Variants in ARID2 observed in about 807,000 individuals in gnomAD.
ARID2 encodes the protein AT-rich interaction domain 2, also known as AT-rich interactive domain-containing protein 2.
A neutral mutation model predicts 184.6 loss-of-function variants in ARID2; 32 were observed. The observed-to-expected ratio is 0.17, with a 90% CI of 0.13 to 0.23. The LOEUF is 0.23. ARID2 is among the 10% of genes least tolerant of loss of function. The pLI is 1.00. For synonymous variants in ARID2, 836 were observed against 772.6 expected (o/e 1.08, Z -1.36); for missense variants, 1,696 against 2,197.6 (o/e 0.77, Z 4.56).
rs554442455 is a variant in ARID2, at chr12:45,816,888, G to T, written c.419-782G>T. On this transcript the variant is annotated intron_variant, in intron 4 of 20. Transcript: ENST00000334344. ...TTTGTAGTACCTAGTGGTAGGGGAT[G>T]GAATTGAGCATGAGAAACTTTTTGT... Among the ~76,000 whole-genome samples the T allele has an allele frequency of 3.9e-5, 6 of 152,296 alleles. No homozygotes were observed. The East Asian group carries it at 1.2e-3, about 29-fold the overall frequency.
chr12:45,875,540 C>T (rs1943996662), intron 16 of ARID2, among the ~76,000 whole-genome samples: 1 of 152,234 alleles, frequency 6.6e-6, no homozygotes, highest in African/African-American at 2.4e-5. Context: ...GACTTTTCCT[C>T]TCTAGCTATG....
Position 45,729,755 on chromosome 12 carries a change from G to A in ARID2, c.-82G>A. 3 of 1,384,822 alleles carry A rather than the reference G, an allele frequency of 2.2e-6. No homozygotes were observed. Among genetic ancestry groups the A allele is most frequent in the Non-Finnish European group, 3.0e-6 (3 of 1,003,806 alleles). The allele number at this position is 1,384,822 out of a possible 1,614,324, so 85.8% of individuals were successfully genotyped here. A position where few individuals can be genotyped will look rare whatever the true frequency, so the allele number is the denominator to read the frequency against. ...GCCGCCGGCCGAGGAATGGGCTCCGGGCTCTGGTAGGAAGCGCTGGGAGCG... is the reference window on the plus strand; with the variant it reads ...GCCGCCGGCCGAGGAATGGGCTCCGAGCTCTGGTAGGAAGCGCTGGGAGCG... On this transcript the variant is annotated 5_prime_UTR_variant, in exon 1 of 21. Coordinates refer to ENST00000334344, the MANE Select transcript of ARID2 (RefSeq NM_152641.4).
Position 45,803,013 on chromosome 12 carries a change from A to G in ARID2, c.285-8405A>G, listed in dbSNP as rs552211453. Among the ~76,000 whole-genome samples, 6 of 151,392 alleles carry G rather than the reference A, an allele frequency of 4.0e-5. No homozygotes were observed. The South Asian group carries it at 1.3e-3, about 32-fold the overall frequency. Reference sequence around the variant, plus strand: ...TCCCCTCATTTTCTTTTCTTTTCCAATTAAAGCACCTGCTTATTCATTGTG... The same window carrying G: ...TCCCCTCATTTTCTTTTCTTTTCCAGTTAAAGCACCTGCTTATTCATTGTG... On this transcript the variant is annotated intron_variant, in intron 3 of 20. Coordinates refer to ENST00000334344, the MANE Select transcript of ARID2 (RefSeq NM_152641.4).
intron 15 of ARID2, among the ~76,000 whole-genome samples, chr12:45,856,016 C>T (rs1392490686): frequency 2.0e-5 from 3 of 151,596 alleles, no homozygotes; most frequent in Admixed American, 6.6e-5. Context: ...TAGGTGTGAG[C>T]CAACAGACCT....
Position 45,839,627 on chromosome 12 carries a change from A to T in ARID2, c.1498+131A>T. On this transcript the variant is annotated intron_variant, in intron 11 of 20. Transcript: ENST00000334344. ...TAGTAGGCCAAAGTGGAATTTGGATATGTACTCTAATTTCTTAGATATTAT... is the reference window on the plus strand; with the variant it reads ...TAGTAGGCCAAAGTGGAATTTGGATTTGTACTCTAATTTCTTAGATATTAT... The T allele has an allele frequency of 4.0e-6, 4 of 997,004 alleles. 1 individual carries two copies. The South Asian group carries it at 7.9e-5, about 20-fold the overall frequency. The allele number at this position is 997,004 out of a possible 1,614,324, so 61.8% of individuals were successfully genotyped here. A position where few individuals can be genotyped will look rare whatever the true frequency, so the allele number is the denominator to read the frequency against.
In ARID2 at chr12:45,893,377, AT is replaced by A. The variant is rs764902497; in HGVS notation, c.5148-42del. On this transcript the variant is annotated intron_variant, in intron 18 of 20. Transcript: ENST00000334344. ...TCATAGTTGTCAGTCTGTCTGCAGT[AT>A]CACGTTAATTCTCTCTCTCTCTCTC... 1.3e-5 allele frequency: 20 copies of A among 1,569,620 alleles called. No individual in the cohort carries two copies. The East Asian group carries it at 4.5e-4, about 35-fold the overall frequency.
In ARID2 at chr12:45,838,389, T is replaced by C. The variant is rs73292526; in HGVS notation, c.1330+682T>C. On this transcript the variant is annotated intron_variant, in intron 10 of 20. Transcript: ENST00000334344. ...AGATTCAGCTTGAAAACTGTTCTTA[T>C]TGAGAAGTTAATGTGTCACTTTTCA... Among the ~76,000 whole-genome samples the C allele has an allele frequency of 5.6e-3, 856 of 152,320 alleles. 6 individuals are homozygous for C. The highest frequency in any genetic ancestry group is 0.02 in the African/African-American group (814 of 41,570).
Position 45,900,338 on chromosome 12 carries a change from G to C in ARID2, c.5364-4596G>C, listed in dbSNP as rs185388075. Among the ~76,000 whole-genome samples, 871 of 152,302 alleles carry C rather than the reference G, an allele frequency of 5.7e-3. 5 individuals are homozygous for C. Among genetic ancestry groups the C allele is most frequent in the Admixed American group, 0.01 (158 of 15,300 alleles). Reference sequence around the variant, plus strand: ...GGCCTCCCAATGGGCTGGGATTACAGGTGTGAGCCACCATACCCAGCTTTT... The same window carrying C: ...GGCCTCCCAATGGGCTGGGATTACACGTGTGAGCCACCATACCCAGCTTTT... On this transcript the variant is annotated intron_variant, in intron 20 of 20. Transcript: ENST00000334344.
rs779610429 is a variant in ARID2, at chr12:45,839,475, A to G, written c.1477A>G (p.Thr493Ala). 7 of 1,612,598 alleles carry G rather than the reference A, an allele frequency of 4.3e-6. No homozygotes were observed. In the Admixed American group the frequency reaches 1.2e-4, roughly 27 times the overall value. The change falls in exon 11 of 21, where the codon ACT becomes GCT. Residue 493 changes from threonine (T) to alanine (A), a missense_variant. By Grantham distance (58) the Thr-to-Ala change is moderately conservative. Transcript: ENST00000334344. ...AGCTATAGAGCAAGTCCAAACCCAGACTCATGTAGCATCTGCCCCAGGTTA... is the reference window on the plus strand; with the variant it reads ...AGCTATAGAGCAAGTCCAAACCCAGGCTCATGTAGCATCTGCCCCAGGTTA... ...PQAIEQVQTQ[T>A]HVASAPASRA...
chr12:45,863,685 T>C (rs1019849026), intron 16 of ARID2, among the ~76,000 whole-genome samples: 52 of 152,202 alleles, frequency 3.4e-4, no homozygotes, highest in African/African-American at 1.2e-3. Flanking sequence ...AACTGCTTTG[T>C]ATTTAAAGTT....
chr12:45,740,954 A>G (rs1371160495), intron 3 of ARID2, among the ~76,000 whole-genome samples: 2 of 152,166 alleles, frequency 1.3e-5, no homozygotes, highest in Non-Finnish European at 2.9e-5. Flanking sequence ...TGATTTCTCC[A>G]CTGTAAAGTT....
intron 13 of ARID2, 22 bp from the exon 14 acceptor site, chr12:45,849,558 T>C (rs1224094727): frequency 6.4e-7 from 1 of 1,570,938 alleles, no homozygotes; most frequent in Non-Finnish European, 8.7e-7. Context: ...CAAAACTTAC[T>C]GATTATGTAT....
At chr12:45,759,945 A>G (rs1941642674) in intron 3 of ARID2, among the ~76,000 whole-genome samples, 2 of 152,184 alleles carry the variant, frequency 1.3e-5, no homozygotes, top group Admixed American at 6.5e-5. Flanking sequence ...ATTTGATAGT[A>G]TCTTAAGTAT....
At chr12:45,789,400 A>G (rs1942252687) in intron 3 of ARID2, 1 of 152,176 alleles carries the variant, frequency 6.6e-6, no homozygotes, top group Non-Finnish European at 1.5e-5. Context: ...CTTCTAATAT[A>G]ATTGCATTGT....
Position 45,846,877 on chromosome 12 carries a change from A to G in ARID2, c.1520A>G (p.Gln507Arg). ...SAPASRAVVA[Q>R]HVAPPPGIVE... ...TTAGCTTCCAGAGCAGTTGTAGCGC[A>G]GCATGTTGCTCCACCTCCAGGAATA... Residue 507 changes from glutamine to arginine, a missense_variant, in exon 12 of 21, where the codon CAG becomes CGG. By Grantham distance (43) the Gln-to-Arg change is conservative. Around this residue, in one of 11 missense-constraint regions of ARID2, gnomAD observed 713 missense variants for 824.4 expected, o/e 0.86. Coordinates refer to ENST00000334344, the MANE Select transcript of ARID2 (RefSeq NM_152641.4). 6.2e-7 allele frequency: 1 copy of G among 1,613,178 alleles called. No individual in the cohort carries two copies. The highest frequency in any genetic ancestry group is 8.5e-7 in the Non-Finnish European group (1 of 1,179,364).
intron 3 of ARID2, among the ~76,000 whole-genome samples, chr12:45,780,744 T>C (rs1942073700): frequency 6.6e-6 from 1 of 152,018 alleles, no homozygotes; most frequent in Non-Finnish European, 1.5e-5. Context: ...TCAGCCAACC[T>C]AGTCACTGGG....
Position 45,837,360 on chromosome 12 carries a change from A to G in ARID2, c.1063A>G (p.Met355Val), listed in dbSNP as rs1943240425. 6.2e-7 allele frequency: 1 copy of G among 1,611,734 alleles called. No homozygotes were observed. ...DPVDFKTTHL[M>V]FHTVTKCLMS... is the part of the protein sequence containing the mutation. ...TGTTGATTTCAAAACTACTCATCTG[A>G]TGTTTCATACTGTTACAAAATGTCT... Residue 355 changes from methionine (M) to valine (V), a missense_variant, in exon 9 of 21, where the codon ATG becomes GTG. Met to Val is a conservative substitution (Grantham distance 21). Transcript: ENST00000334344.
At chr12:45,751,038 A>G (rs201266283) in intron 3 of ARID2, among the ~76,000 whole-genome samples, 9 of 152,318 alleles carry the variant, frequency 5.9e-5, no homozygotes, top group East Asian at 3.9e-4. Context: ...CACTGGACAT[A>G]TATCAATGAT....
intron 3 of ARID2, among the ~76,000 whole-genome samples, chr12:45,807,486 C>T (rs1216850778): frequency 1.3e-5 from 2 of 151,974 alleles, no homozygotes; most frequent in Non-Finnish European, 2.9e-5. Context: ...ATTTGGTTGT[C>T]AAGATGGGTA....
Sources: gnomAD v4.1 joint callset for allele counts (sites outside exome capture counted in the v4.1 genomes callset) on GRCh38, gnomAD v4.1.1 for gene constraint, gnomAD v4.1.1 regional missense constraint, MANE v1.5 for transcripts, NCBI Gene and HGNC (gene_info 2026-07-23, HGNC 2026-07-21) for gene names.